Variants in SIPA1L3 observed in about 807,000 individuals in gnomAD.
SIPA1L3 encodes the protein signal induced proliferation associated 1 like 3, also known as signal-induced proliferation-associated 1-like protein 3.
Under a neutral mutation model 150.1 loss-of-function variants are expected in SIPA1L3, and 59 were observed. The observed-to-expected ratio is 0.39, with a 90% confidence interval of 0.32 to 0.49. The LOEUF is 0.49. Among genes scored for constraint, SIPA1L3 ranks in the 20% least tolerant of loss-of-function variants. The probability of loss-of-function intolerance (pLI) is 0.86; values close to 1 mark genes in which losing one functional copy is unlikely to be tolerated. For missense variants in SIPA1L3, 2,211 were observed against 2,489.5 expected (o/e 0.89, Z 2.38); for synonymous variants, 1,070 against 1,077.6 (o/e 0.99, Z 0.14).
In SIPA1L3 at chr19:37,947,218, G is replaced by C. The variant is rs934835353; in HGVS notation, c.-379+39860G>C. Among the ~76,000 whole-genome samples the C allele has an allele frequency of 3.4e-5, 5 of 145,486 alleles. No homozygotes were observed. In the South Asian group the frequency reaches 1.1e-3, roughly 32 times the overall value. On this transcript the variant is annotated intron_variant, in intron 1 of 21. Transcript: ENST00000222345. ...CTTAAAAACAAATCCGTCCAGGCAT[G>C]GCGGCCCACGCCTGTAATCCCAGCA...
chr19:37,986,204 G>A (rs746711787), intron 1 of SIPA1L3, among the ~76,000 whole-genome samples: 6 of 152,172 alleles, frequency 3.9e-5, no homozygotes, highest in Admixed American at 1.3e-4. Flanking sequence ...CTTAAACTCC[G>A]GCTTCCCCAC....
At chr19:37,978,703 G>A (rs1310478649) in intron 1 of SIPA1L3, among the ~76,000 whole-genome samples, 1 of 151,898 alleles carries the variant, frequency 6.6e-6, no homozygotes, top group South Asian at 2.1e-4. Context: ...GGCCAGGCAC[G>A]GTGGCTCACA....
At chr19:38,006,265 A>G (rs906725029) in intron 1 of SIPA1L3, among the ~76,000 whole-genome samples, 1 of 152,094 alleles carries the variant, frequency 6.6e-6, no homozygotes, top group Non-Finnish European at 1.5e-5. Flanking sequence ...GAAGAACTGA[A>G]AGGCCCGAAC....
intron 1 of SIPA1L3, among the ~76,000 whole-genome samples, chr19:38,003,912 C>G (rs1029152414): frequency 6.6e-6 from 1 of 152,018 alleles, no homozygotes; most frequent in African/African-American, 2.4e-5. Flanking sequence ...CCCCCACCCC[C>G]AGGCCAGATT....
chr19:38,133,866 T>G (rs917386695), intron 10 of SIPA1L3, among the ~76,000 whole-genome samples: 2 of 152,158 alleles, frequency 1.3e-5, no homozygotes, highest in African/African-American at 4.8e-5. Flanking sequence ...CCCAGTGAAT[T>G]TGTGACTGTG....
At chr19:38,169,181 G>A (rs532305786) in intron 15 of SIPA1L3, among the ~76,000 whole-genome samples, 1 of 152,264 alleles carries the variant, frequency 6.6e-6, no homozygotes, top group East Asian at 1.9e-4. Context: ...TTGAGGCCAG[G>A]AGTTCGAGAC....
At chr19:38,006,164 G>C (rs1414481893) in intron 1 of SIPA1L3, among the ~76,000 whole-genome samples, 1 of 152,278 alleles carries the variant, frequency 6.6e-6, no homozygotes, top group East Asian at 1.9e-4. Flanking sequence ...AAGTTTGCTG[G>C]TCTAGGGGAG....
intron 15 of SIPA1L3, among the ~76,000 whole-genome samples, chr19:38,166,574 C>T (rs1171800261): frequency 1.3e-5 from 2 of 152,082 alleles, no homozygotes; most frequent in Non-Finnish European, 2.9e-5. Flanking sequence ...GAAAAGGGCA[C>T]AGAGATGGAA....
intron 1 of SIPA1L3, among the ~76,000 whole-genome samples, chr19:37,954,909 A>G (rs549360375): frequency 3.9e-4 from 59 of 152,188 alleles, no homozygotes; most frequent in African/African-American, 1.4e-3. Context: ...CAACATGGTG[A>G]AACCCTGTCT....
intron 2 of SIPA1L3, among the ~76,000 whole-genome samples, chr19:38,074,666 C>T (rs1397001287): frequency 6.6e-6 from 1 of 152,214 alleles, no homozygotes; most frequent in African/African-American, 2.4e-5. Flanking sequence ...AAAATAATTG[C>T]ACTTTTCTCT....
Position 38,082,843 on chromosome 19 carries a change from C to G in SIPA1L3, c.1278C>G (p.Ser426Arg). ...ACAACAGCAACGACCTGCTGCTCAG[C>G]TGCCCGCACTTCCGCAATGAGATCG... ...GDDNSNDLLL[S>R]CPHFRNEIGG... Residue 426 changes from serine (S) to arginine (R), a missense_variant, in exon 3 of 22, where the codon AGC becomes AGG. Physicochemically the swap from Ser to Arg is moderately radical, Grantham distance 110. Transcript: ENST00000222345. The G allele has an allele frequency of 6.2e-7, 1 of 1,613,730 alleles. No individual in the cohort carries two copies. Among genetic ancestry groups the G allele is most frequent in the Non-Finnish European group, 8.5e-7 (1 of 1,179,934 alleles).
At chr19:38,175,408 A>G (rs1407108616) in intron 15 of SIPA1L3, among the ~76,000 whole-genome samples, 1 of 152,082 alleles carries the variant, frequency 6.6e-6, no homozygotes, top group African/African-American at 2.4e-5. Flanking sequence ...GCACACACTT[A>G]TGCAGCTGGT....
chr19:38,137,292 G>A (rs749542768), intron 10 of SIPA1L3, among the ~76,000 whole-genome samples: 26 of 152,110 alleles, frequency 1.7e-4, no homozygotes, highest in Non-Finnish European at 2.9e-4. Context: ...AGGTTCAAGC[G>A]ATCCTCCTGC....
rs565934899 is a variant in SIPA1L3 at position 38,018,687 on chromosome 19, C to G, written c.-378-10402C>G. On this transcript the variant is annotated intron_variant, in intron 1 of 21. Coordinates refer to ENST00000222345, the MANE Select transcript of SIPA1L3 (RefSeq NM_015073.3). ...TGGACATTCTGGGTTATCCTTACTC[C>G]CACTTTTCACATAGCTTCCTTCTGC... is the stretch of plus-strand genomic sequence containing the variant. Among the ~76,000 whole-genome samples, 11 of 152,260 alleles carry G rather than the reference C, an allele frequency of 7.2e-5. No homozygotes were observed. The South Asian group carries it at 2.3e-3, about 32-fold the overall frequency.
At chr19:37,960,515 T>C (rs989723962) in intron 1 of SIPA1L3, among the ~76,000 whole-genome samples, 19 of 151,422 alleles carry the variant, frequency 1.3e-4, no homozygotes, top group African/African-American at 4.6e-4. Context: ...GCCATTCTCC[T>C]GCCTCAGCCT....
chr19:38,072,967 G>A (rs1013626548), intron 2 of SIPA1L3, among the ~76,000 whole-genome samples: 1 of 152,214 alleles, frequency 6.6e-6, no homozygotes, highest in African/African-American at 2.4e-5. Flanking sequence ...ATCACTGGTT[G>A]CCTGCTCTTC....
chr19:38,087,578 G>A (rs1210864831), intron 3 of SIPA1L3, among the ~76,000 whole-genome samples: 1 of 152,180 alleles, frequency 6.6e-6, no homozygotes, highest in African/African-American at 2.4e-5. Flanking sequence ...AGATACTTGG[G>A]TTATACATCA....
chr19:38,113,972 AC>A (rs1241866579), intron 8 of SIPA1L3, among the ~76,000 whole-genome samples: 6 of 151,986 alleles, frequency 3.9e-5, no homozygotes, highest in Non-Finnish European at 8.8e-5. Context: ...GACTCTCAAA[AC>A]CCAGTCCCTC....
chr19:38,110,505 C>T (rs577378352), intron 8 of SIPA1L3, 121 bp downstream of exon 8: 7 of 725,860 alleles, frequency 9.6e-6, no homozygotes, highest in African/African-American at 5.3e-5. Flanking sequence ...AAGAGCTCGG[C>T]GTATACTCCC....
Sources: gnomAD v4.1 joint callset for allele counts (sites outside exome capture counted in the v4.1 genomes callset) on GRCh38, gnomAD v4.1.1 for gene constraint, MANE v1.5 for transcripts, NCBI Gene and HGNC (gene_info 2026-07-23, HGNC 2026-07-21) for gene names.